The following STX2 variants were observed in gnomAD, a reference collection of about 807,000 sequenced individuals.
STX2 encodes syntaxin-2.
STX2 carries 27 observed loss-of-function variants against 40.6 expected under a neutral mutation model. The observed-to-expected ratio is 0.66, with a 90% confidence interval of 0.49 to 0.92. The LOEUF (loss-of-function observed/expected upper bound fraction) is 0.92, where lower values mean the gene tolerates loss of function less well. Among genes scored for constraint, STX2 ranks in the 40% least tolerant of loss-of-function variants. The pLI, the probability that STX2 is intolerant of heterozygous loss-of-function variation, is 0.00. For synonymous variants in STX2, 123 were observed against 119.1 expected, an observed-to-expected ratio of 1.03 and a Z score of -0.22; for missense variants, 328 against 366.1, an observed-to-expected ratio of 0.90 and a Z score of 0.85.
intron 2 of STX2, among the ~76,000 whole-genome samples, chr12:130,826,867 G>C (rs1411822099): frequency 2.0e-5 from 3 of 151,086 alleles, no homozygotes. Flanking sequence ...GAATTAGCTG[G>C]GTGTGGTGGC....
intron 8 of STX2, among the ~76,000 whole-genome samples, chr12:130,800,354 G>GT (rs1224181243): frequency 1.3e-5 from 2 of 150,226 alleles, no homozygotes; most frequent in African/African-American, 4.9e-5. Flanking sequence ...AGGCTGGAGT[G>GT]TAGTGGCATG....
rs1265638929 is a variant in STX2, at chr12:130,792,004, T to C, written c.*46-27A>G. 2.7e-6 allele frequency: 4 copies of C among 1,507,064 alleles called. No individual in the cohort carries two copies. In the African/African-American group the frequency reaches 5.5e-5, roughly 21 times the overall value. 93.4% of individuals were successfully genotyped at this position (1,507,064 alleles called of 1,614,324 possible). ...TGCAAGATAAAGAAAAACATTAATT[T>C]GCAATGTATCAAAGAAATCAACAAT... is the stretch of plus-strand genomic sequence containing the variant. On this transcript the variant is annotated intron_variant, in intron 10 of 10. Transcript: ENST00000392373.
At chr12:130,829,092 C>G (rs1952453637) in intron 1 of STX2, among the ~76,000 whole-genome samples, 1 of 152,026 alleles carries the variant, frequency 6.6e-6, no homozygotes, top group African/African-American at 2.4e-5. Context: ...GTACCACACC[C>G]CCTAGTCCCC....
intron 10 of STX2, among the ~76,000 whole-genome samples, chr12:130,792,799 T>A (rs1222127792): frequency 6.6e-6 from 1 of 152,218 alleles, no homozygotes; most frequent in African/African-American, 2.4e-5. Context: ...ATGACAAATG[T>A]GTAAGAAATC....
At chr12:130,823,010 T>G (rs1238267364) in intron 2 of STX2, among the ~76,000 whole-genome samples, 1 of 152,066 alleles carries the variant, frequency 6.6e-6, no homozygotes, top group Non-Finnish European at 1.5e-5. Flanking sequence ...CATTTTAAAA[T>G]AGTAATTATA....
chr12:130,831,959 C>T (rs1296671887), intron 1 of STX2, among the ~76,000 whole-genome samples: 1 of 150,388 alleles, frequency 6.6e-6, no homozygotes, highest in East Asian at 2.0e-4. Flanking sequence ...CAGCTTCAAC[C>T]TCCTGGGCTC....
intron 3 of STX2, among the ~76,000 whole-genome samples, chr12:130,817,085 C>G (rs560469601): frequency 9.3e-5 from 14 of 151,170 alleles, no homozygotes; most frequent in Non-Finnish European, 8.9e-5. Flanking sequence ...AAAACTCAAT[C>G]AAAAATAACC....
intron 6 of STX2, among the ~76,000 whole-genome samples, chr12:130,803,593 G>C (rs1304829896): frequency 6.8e-6 from 1 of 147,196 alleles, no homozygotes; most frequent in Non-Finnish European, 1.5e-5. Flanking sequence ...CTTGGATCCA[G>C]GAGTTCAAGG....
intron 10 of STX2, 114 bp downstream of exon 10, chr12:130,795,881 C>G (rs947497976): frequency 7.7e-7 from 1 of 1,299,630 alleles, no homozygotes; most frequent in East Asian, 2.6e-5. Flanking sequence ...ATGGCATTAT[C>G]TGTACTGCGT....
intron 8 of STX2, among the ~76,000 whole-genome samples, chr12:130,800,280 C>T (rs971211977): frequency 5.9e-5 from 9 of 151,498 alleles, no homozygotes; most frequent in African/African-American, 1.9e-4. Flanking sequence ...TATATACATA[C>T]ATACATATAT....
intron 2 of STX2, among the ~76,000 whole-genome samples, chr12:130,822,613 G>A (rs546788189): frequency 6.3e-4 from 96 of 152,268 alleles, no homozygotes; most frequent in African/African-American, 2.1e-3. Flanking sequence ...TCTACGGCAG[G>A]CTGAATAATG....
chr12:130,813,430 T>C (rs1391172517), intron 3 of STX2, among the ~76,000 whole-genome samples: 8 of 152,250 alleles, frequency 5.3e-5, no homozygotes, highest in Non-Finnish European at 7.3e-5. Flanking sequence ...GACGTAACGA[T>C]GATCTCAACA....
intron 1 of STX2, among the ~76,000 whole-genome samples, chr12:130,828,226 C>CT (rs894822336): frequency 1.5e-4 from 22 of 150,924 alleles, no homozygotes; most frequent in Middle Eastern, 3.5e-3. Context: ...AGTCCCTACT[C>CT]TTTTTTTTTG....
intron 1 of STX2, among the ~76,000 whole-genome samples, chr12:130,828,192 G>A (rs1042921167): frequency 1.8e-4 from 27 of 152,004 alleles, no homozygotes; most frequent in African/African-American, 6.5e-4. Flanking sequence ...ACCAATAAAG[G>A]CTTCTATTAA....
chr12:130,798,617 T>C lies in STX2; in HGVS notation c.694A>G (p.Ile232Val), dbSNP rs141691590. The change falls in exon 9 of 11, where the codon ATA becomes GTA. Residue 232 changes from isoleucine (I) to valine (V), a missense_variant. Ile to Val is a conservative substitution (Grantham distance 29). Transcript: ENST00000392373. ...VETQGEMINN[I>V]ERNVMNATDY... is the part of the protein sequence containing the mutation. ...GTGGCATTCATAACATTTCTTTCTA[T>C]GTTGTTGATCATTTCACCCTTAAAA... The C allele has an allele frequency of 2.5e-6, 4 of 1,596,358 alleles. No homozygotes were observed. The highest frequency in any genetic ancestry group is 1.7e-4 in the Middle Eastern group (1 of 6,044).
At chr12:130,836,997 C>T (rs1223398624) in intron 1 of STX2, among the ~76,000 whole-genome samples, 2 of 152,060 alleles carry the variant, frequency 1.3e-5, no homozygotes, top group Non-Finnish European at 2.9e-5. Context: ...GCCTTATTTG[C>T]TTTTTGCTAT....
At chr12:130,811,427 T>A (rs1490363646) in intron 4 of STX2, among the ~76,000 whole-genome samples, 1 of 150,718 alleles carries the variant, frequency 6.6e-6, no homozygotes, top group African/African-American at 2.4e-5. Context: ...TTGGAAATAA[T>A]CATCCATTTT....
At chr12:130,831,971 G>A (rs1952580152) in intron 1 of STX2, among the ~76,000 whole-genome samples, 1 of 150,846 alleles carries the variant, frequency 6.6e-6, no homozygotes, top group Admixed American at 6.6e-5. Context: ...CCTGGGCTCA[G>A]GTGATCCCTT....
chr12:130,818,286 G>C (rs1182224276), intron 3 of STX2, among the ~76,000 whole-genome samples: 2 of 147,906 alleles, frequency 1.4e-5, no homozygotes, highest in Non-Finnish European at 3.0e-5. Context: ...TGGGAGGACT[G>C]TCTGAGCCCA....
Sources: allele counts gnomAD v4.1 joint callset (sites outside exome capture counted in the v4.1 genomes callset), GRCh38; gene constraint gnomAD v4.1.1; transcripts MANE v1.5; gene names NCBI Gene and HGNC (gene_info 2026-07-23, HGNC 2026-07-21).